Variants in ELP1 observed in about 807,000 individuals in gnomAD.
ELP1 encodes the protein elongator complex protein 1.
In ELP1, 131 loss-of-function variants were observed where a neutral mutation model predicts 183.2. The observed-to-expected ratio is 0.72, with a 90% CI of 0.62 to 0.83. The LOEUF (loss-of-function observed/expected upper bound fraction) is 0.83. Among genes scored for constraint, ELP1 ranks in the 40% least tolerant of loss-of-function variants. ELP1 has a pLI of 0.00. For synonymous variants in ELP1, 555 were observed against 569.0 expected (o/e 0.98, Z 0.35); for missense variants, 1,550 against 1,594.9 (o/e 0.97, Z 0.48).
At chr9:108,917,063 A>G (rs1829462506) in intron 9 of ELP1, among the ~76,000 whole-genome samples, 1 of 152,272 alleles carries the variant, frequency 6.6e-6, no homozygotes, top group South Asian at 2.1e-4. Flanking sequence ...TATTATTTGC[A>G]AAATCACTGG....
intron 27 of ELP1, 41 bp from the exon 28 acceptor site, chr9:108,891,445 C>T (rs1828333365): frequency 6.4e-7 from 1 of 1,574,740 alleles, no homozygotes; most frequent in African/African-American, 1.3e-5. Context: ...GGAAATATGA[C>T]AATCATTTCT....
chr9:108,933,128 T>C (rs1476768592), intron 1 of ELP1, among the ~76,000 whole-genome samples: 3 of 152,296 alleles, frequency 2.0e-5, no homozygotes, highest in Non-Finnish European at 4.4e-5. Flanking sequence ...CACAAGCATG[T>C]CTCACATGCA....
chr9:108,905,879 AC>A (rs1828998910), intron 14 of ELP1, among the ~76,000 whole-genome samples: 2 of 149,824 alleles, frequency 1.3e-5, no homozygotes, highest in Admixed American at 6.6e-5. Context: ...ACACACACAC[AC>A]ACACACACAC....
intron 14 of ELP1, among the ~76,000 whole-genome samples, chr9:108,905,868 T>TACACACACACAC (rs35044796): frequency 6.8e-5 from 10 of 147,954 alleles, no homozygotes; most frequent in South Asian, 2.2e-4. Context: ...AAGGTATGTA[T>TACACACACACAC]ACACACACAC....
Position 108,911,108 on chromosome 9 carries a change from G to C in ELP1, c.1262C>G (p.Pro421Arg). ...GAATGTGACTTGATTCACAGGGTGT[G>C]GGAACAGCAGTTGGTAGGTGCACAT... Reference protein sequence around the residue: ...PPMCTYQLLFPHPVNQVTFLA... With the variant: ...PPMCTYQLLFRHPVNQVTFLA... Residue 421 changes from proline (P) to arginine (R), a missense_variant, in exon 12 of 37, where the codon CCA (proline) becomes CGA (arginine). Physicochemically the swap from Pro to Arg is moderately radical, Grantham distance 103. Transcript: ENST00000374647. The C allele has an allele frequency of 1.2e-6, 2 of 1,614,100 alleles. No individual in the cohort carries two copies. The highest frequency in any genetic ancestry group is 1.7e-6 in the Non-Finnish European group (2 of 1,179,974).
rs545755598 is a variant in ELP1 at position 108,872,771 on chromosome 9, C to G, written c.3931+2124G>C. Among the ~76,000 whole-genome samples the G allele has an allele frequency of 3.6e-3, 462 of 129,876 alleles. 13 individuals are homozygous for G. Among genetic ancestry groups the G allele is most frequent in the Non-Finnish European group, 1.1e-3 (71 of 65,052 alleles). 85.2% of individuals were successfully genotyped at this position (129,876 alleles called of 152,430 possible). A position where few individuals can be genotyped will look rare whatever the true frequency, so the allele number is the denominator to read the frequency against. On this transcript the variant is annotated intron_variant, in intron 36 of 36. Coordinates refer to ENST00000374647, the MANE Select transcript of ELP1 (RefSeq NM_003640.5). Reference sequence around the variant, plus strand: ...AGTGAGCCGAGATTGCGCCACTGCACTCCCGCCTGGGCCACAGAGCAAGAC... The same window carrying G: ...AGTGAGCCGAGATTGCGCCACTGCAGTCCCGCCTGGGCCACAGAGCAAGAC...
intron 6 of ELP1, among the ~76,000 whole-genome samples, chr9:108,921,216 C>T (rs991403707): frequency 6.6e-6 from 1 of 152,052 alleles, no homozygotes; most frequent in Non-Finnish European, 1.5e-5. Flanking sequence ...TGAGCATTTT[C>T]ATCATCCCCA....
At chr9:108,918,134 G>T (rs761596440) in intron 8 of ELP1, among the ~76,000 whole-genome samples, 13 of 152,072 alleles carry the variant, frequency 8.5e-5, no homozygotes, top group Non-Finnish European at 1.5e-4. Context: ...TTTGTCTCTA[G>T]GGTTTTAATT....
chr9:108,928,578 G>A (rs1341245687), intron 3 of ELP1, among the ~76,000 whole-genome samples: 1 of 152,162 alleles, frequency 6.6e-6, no homozygotes, highest in African/African-American at 2.4e-5. Context: ...GAACAATGGG[G>A]GGATGAGGCT....
chr9:108,873,658 G>T (rs913807991), intron 36 of ELP1, among the ~76,000 whole-genome samples: 6 of 152,218 alleles, frequency 3.9e-5, no homozygotes, highest in African/African-American at 1.2e-4. Context: ...AATCACAACT[G>T]GATTGGACTA....
chr9:108,911,153 T>A lies in ELP1; in HGVS notation c.1217A>T (p.Gln406Leu), dbSNP rs779879493. Reference protein sequence around the residue: ...GNRVLVTVFRQTVVPPPMCTY... With the variant: ...GNRVLVTVFRLTVVPPPMCTY... ...GCACATGGGAGGCGGAACCACAGTC[T>A]GCCGGAAGACTGTCACCAACACCCT... The change falls in exon 12 of 37, where the codon CAG (glutamine) becomes CTG (leucine). Residue 406 changes from glutamine (Q) to leucine (L), a missense_variant. Physicochemically the swap from Gln to Leu is moderately radical, Grantham distance 113 (BLOSUM62 -2). Transcript: ENST00000374647. 1 of 1,614,144 alleles carries A rather than the reference T, an allele frequency of 6.2e-7. No individual in the cohort carries two copies. Among genetic ancestry groups the A allele is most frequent in the South Asian group, 1.1e-5 (1 of 91,082 alleles).
rs929226044 is a variant in ELP1 at position 108,868,066 on chromosome 9, C to T, written c.*1049G>A. 2 of 152,160 alleles carry T rather than the reference C, an allele frequency of 1.3e-5. No individual in the cohort carries two copies. The highest frequency in any genetic ancestry group is 1.5e-5 in the Non-Finnish European group (1 of 68,036). The allele number at this position is 152,160 out of a possible 1,614,324, so 9.4% of individuals were successfully genotyped here. A position where few individuals can be genotyped will look rare whatever the true frequency, so the allele number is the denominator to read the frequency against. ...CTACGTGAATCGCTTGTGCCATCCT[C>T]GTGGTAATGAGTGAGTTTTCACTCT... is the stretch of plus-strand genomic sequence containing the variant. On this transcript the variant is annotated 3_prime_UTR_variant, in exon 37 of 37. Coordinates refer to ENST00000374647, the MANE Select transcript of ELP1 (RefSeq NM_003640.5).
chr9:108,899,774 C>T (rs1828697843), intron 20 of ELP1, 48 bp downstream of exon 20: 1 of 1,404,376 alleles, frequency 7.1e-7, no homozygotes, highest in Non-Finnish European at 1.0e-6. Context: ...ATTGTCTTCA[C>T]ACATAAATCA....
rs1478593499 is a variant in ELP1 at position 108,891,271 on chromosome 9, G to T, written c.3092C>A (p.Ala1031Asp). Reference sequence around the variant, plus strand: ...GTTAAGCTGGGCTGCCACACAGAGGGCTTGCTTCCAGTTGCCACATGTCAG... The same window carrying T: ...GTTAAGCTGGGCTGCCACACAGAGGTCTTGCTTCCAGTTGCCACATGTCAG... ...AFLTCGNWKQ[A>D]LCVAAQLNFT... The change falls in exon 28 of 37, where the codon GCC becomes GAC. Residue 1031 changes from alanine to aspartate, a missense_variant. Transcript: ENST00000374647. The T allele has an allele frequency of 1.2e-6, 2 of 1,614,070 alleles. No homozygotes were observed. Among genetic ancestry groups the T allele is most frequent in the Non-Finnish European group, 8.5e-7 (1 of 1,180,026 alleles).
chr9:108,926,175 T>G (rs139543624), intron 5 of ELP1, among the ~76,000 whole-genome samples: 69 of 152,338 alleles, frequency 4.5e-4, no homozygotes, highest in African/African-American at 1.6e-3. Flanking sequence ...CTAATCGTAG[T>G]AACAAAAACC....
intron 18 of ELP1, 52 bp downstream of exon 18, chr9:108,901,373 C>A: frequency 7.7e-7 from 1 of 1,305,860 alleles, no homozygotes. Flanking sequence ...CATCAAGACT[C>A]CAAAAGACAT....
intron 5 of ELP1, among the ~76,000 whole-genome samples, chr9:108,923,397 T>G (rs756104343): frequency 2.0e-5 from 3 of 152,054 alleles, no homozygotes; most frequent in Non-Finnish European, 4.4e-5. Flanking sequence ...CAAAACCCAT[T>G]TCATATTATA....
At chr9:108,890,481 C>A (rs1828281236) in intron 28 of ELP1, among the ~76,000 whole-genome samples, 1 of 151,938 alleles carries the variant, frequency 6.6e-6, no homozygotes, top group African/African-American at 2.4e-5. Flanking sequence ...AAAAATATAC[C>A]AGTCATTGCT....
chr9:108,871,744 T>C (rs1827467220), intron 36 of ELP1, among the ~76,000 whole-genome samples: 1 of 152,246 alleles, frequency 6.6e-6, no homozygotes, highest in Non-Finnish European at 1.5e-5. Flanking sequence ...TAAGTTCTCA[T>C]ACAATGACTG....
Sources: gnomAD v4.1 joint callset for allele counts (sites outside exome capture counted in the v4.1 genomes callset) on GRCh38, gnomAD v4.1.1 for gene constraint, MANE v1.5 for transcripts, NCBI Gene and HGNC (gene_info 2026-07-23, HGNC 2026-07-21) for gene names.